PADI6: variants seen among roughly 807,000 people sequenced by gnomAD.
PADI6 encodes inactive protein-arginine deiminase type-6.
Under a neutral mutation model 78.2 loss-of-function variants are expected in PADI6, and 66 were observed. That is an observed-to-expected ratio of 0.84 (90% CI 0.69 to 1.04). The LOEUF is 1.04. PADI6 is among the 50% of genes least tolerant of loss of function. PADI6 has a pLI of 0.00. For missense variants in PADI6, 854 were observed against 866.1 expected (o/e 0.99, Z 0.18); for synonymous variants, 397 against 346.9 (o/e 1.14, Z -1.60).
rs762220531 is a variant in PADI6, at chr1:17,394,392, C to T, written c.1275C>T (p.Val425=). ...GGAACCTGATGGTGTCCCCACCTGTCAAGGTCCAAGGGAAAGAGTACCCGC... is the reference window on the plus strand; with the variant it reads ...GGAACCTGATGGTGTCCCCACCTGTTAAGGTCCAAGGGAAAGAGTACCCGC... ...SIGNLMVSPP[V]KVQGKEYPLG... Residue 425 remains valine, a synonymous_variant, in exon 11 of 16, where the codon GTC becomes GTT. Transcript: ENST00000619609. 8 of 1,613,668 alleles carry T rather than the reference C, an allele frequency of 5.0e-6. No individual in the cohort carries two copies. Among genetic ancestry groups the T allele is most frequent in the Non-Finnish European group, 4.2e-6 (5 of 1,179,848 alleles).
intron 6 of PADI6, among the ~76,000 whole-genome samples, chr1:17,387,681 G>T (rs540557040): frequency 6.6e-6 from 1 of 152,306 alleles, no homozygotes; most frequent in East Asian, 1.9e-4. Context: ...AATCCAGGAG[G>T]CAAAGCTTAC....
chr1:17,394,590 T>C (rs1318130104), intron 11 of PADI6, 136 bp downstream of exon 11: 2 of 967,608 alleles, frequency 2.1e-6, no homozygotes, highest in African/African-American at 3.3e-5. Context: ...TTTGAGCTTT[T>C]GATTCACGTG....
At position 17,379,111 on chromosome 1, in the gene PADI6, A is replaced by ATTTTTTTTTTTTTTTTTTTTTT. The variant is rs144547124; in HGVS notation, c.368-788_368-787insTTTTTTTTTTTTTTTTTTTTTT. Among the ~76,000 whole-genome samples the ATTTTTTTTTTTTTTTTTTTTTT allele has an allele frequency of 2.4e-4, 24 of 100,802 alleles. 3 individuals carry two copies. Among genetic ancestry groups the ATTTTTTTTTTTTTTTTTTTTTT allele is most frequent in the African/African-American group, 1.3e-3 (23 of 17,322 alleles). 66.1% of individuals were successfully genotyped at this position (100,802 alleles called of 152,430 possible). On this transcript the variant is annotated intron_variant, in intron 3 of 15. Transcript: ENST00000619609. The stretch of plus-strand genomic sequence containing the variant: ...AGGTACCCTCCACCATGCCCAGTTA[A>ATTTTTTTTTTTTTTTTTTTTTT]TTTTTTTTTTTTTTTTTTTTTAAGA...
chr1:17,378,964 G>GGGGA (rs1350156160), intron 3 of PADI6, among the ~76,000 whole-genome samples: 1 of 140,436 alleles, frequency 7.1e-6, no homozygotes, highest in Non-Finnish European at 1.6e-5. Context: ...TTGGGGGGGG[G>GGGGA]GACAGAATCT....
chr1:17,380,768 A>G (rs2075065379), intron 4 of PADI6, among the ~76,000 whole-genome samples: 1 of 152,148 alleles, frequency 6.6e-6, no homozygotes, highest in African/African-American at 2.4e-5. Context: ...GCCAGGTGGC[A>G]CGTCTCTTTT....
chr1:17,398,791 A>C lies in PADI6; in HGVS notation c.1795A>C (p.Ile599Leu). ...QLFCLEKLTN[I>L]PSDQQPKRSF... is the part of the protein sequence containing the mutation. ...GTTCTGCTTGGAGAAGCTGACTAACATCCCCTCTGACCAGCAGCCCAAGAG... is the reference window on the plus strand; with the variant it reads ...GTTCTGCTTGGAGAAGCTGACTAACCTCCCCTCTGACCAGCAGCCCAAGAG... The change falls in exon 15 of 16, where the codon ATC (isoleucine) becomes CTC (leucine). Residue 599 changes from isoleucine to leucine, a missense_variant. Physicochemically the swap from Ile to Leu is conservative, Grantham distance 5. Transcript: ENST00000619609. 6.2e-7 allele frequency: 1 copy of C among 1,609,824 alleles called. No individual in the cohort carries two copies. Among genetic ancestry groups the C allele is most frequent in the Non-Finnish European group, 8.5e-7 (1 of 1,178,160 alleles).
intron 15 of PADI6, among the ~76,000 whole-genome samples, chr1:17,399,288 G>A (rs1269722069): frequency 6.6e-6 from 1 of 152,194 alleles, no homozygotes; most frequent in African/African-American, 2.4e-5. Context: ...GATACATAGA[G>A]GTACATCAGC....
chr1:17,398,744 ACAT>A lies in PADI6; in HGVS notation c.1753_1755del (p.Ile585del). ...ACGGAGCTGGGCCTGGTGGAACAGG[ACAT>A]CATCGAGATTCCCCAGCTGTTCTGC... On this transcript the variant is annotated inframe_deletion, in exon 15 of 16. Transcript: ENST00000619609. The A allele has an allele frequency of 5.0e-6, 8 of 1,589,914 alleles. No homozygotes were observed. The highest frequency in any genetic ancestry group is 6.9e-6 in the Non-Finnish European group (8 of 1,167,616).
intron 6 of PADI6, 96 bp from the exon 7 acceptor site, chr1:17,388,285 G>C: frequency 8.5e-7 from 1 of 1,174,682 alleles, no homozygotes; most frequent in Non-Finnish European, 1.2e-6. Flanking sequence ...TCACAGCCTT[G>C]CATCTGATAT....
intron 9 of PADI6, among the ~76,000 whole-genome samples, chr1:17,393,344 A>AG (rs1365544001): frequency 2.0e-5 from 3 of 152,306 alleles, no homozygotes; most frequent in Non-Finnish European, 4.4e-5. Flanking sequence ...CCTCTGGCTA[A>AG]GATGTAGGGA....
intron 7 of PADI6, 21 bp downstream of exon 7, chr1:17,388,580 G>A: frequency 3.1e-6 from 5 of 1,587,508 alleles, no homozygotes; most frequent in Non-Finnish European, 4.3e-6. Context: ...ATAATAGATG[G>A]GTCCTCAGAC....
At chr1:17,392,312 G>GC (rs2075194751) in intron 9 of PADI6, 87 bp downstream of exon 9, 1 of 1,026,576 alleles carries the variant, frequency 9.7e-7, no homozygotes, top group Admixed American at 2.2e-5. Flanking sequence ...CAGGCTTCTG[G>GC]TTAACCTTAA....
rs2526830 is a variant in PADI6, at chr1:17,401,623, A to G, written c.*185A>G. On this transcript the variant is annotated 3_prime_UTR_variant, in exon 16 of 16. Coordinates refer to ENST00000619609, the MANE Select transcript of PADI6 (RefSeq NM_207421.4). Reference sequence around the variant, plus strand: ...GCAAATGCCGCCAGCTTGAACCCCTATGGGGAAAAGATGCAAAAGTGTTCA... The same window carrying G: ...GCAAATGCCGCCAGCTTGAACCCCTGTGGGGAAAAGATGCAAAAGTGTTCA... The G allele has an allele frequency of 0.64, 390,907 of 611,246 alleles. 125,814 individuals are homozygous for G. The highest frequency in any genetic ancestry group is 0.7 in the African/African-American group (38,046 of 54,154). 37.9% of individuals were successfully genotyped at this position (611,246 alleles called of 1,614,324 possible). A position where few individuals can be genotyped will look rare whatever the true frequency, so the allele number is the denominator to read the frequency against.
chr1:17,401,383 G>T lies in PADI6; in HGVS notation c.2030G>T (p.Cys677Phe). 6.2e-7 allele frequency: 1 copy of T among 1,614,058 alleles called. No individual in the cohort carries two copies. Among genetic ancestry groups the T allele is most frequent in the Non-Finnish European group, 8.5e-7 (1 of 1,179,908 alleles). ...ACAGAGGTCGGAGACATCTGTGCCT[G>T]TGCCAACATCCGCCGGGTGCCCTTT... is the stretch of plus-strand genomic sequence containing the variant. ...YLTEVGDICACANIRRVPFAF... is the reference protein window; with the variant it reads ...YLTEVGDICAFANIRRVPFAF... The change falls in exon 16 of 16, where the codon TGT becomes TTT. Residue 677 changes from cysteine to phenylalanine, a missense_variant. Physicochemically the swap from Cys to Phe is radical, Grantham distance 205. Coordinates refer to ENST00000619609, the MANE Select transcript of PADI6 (RefSeq NM_207421.4).
chr1:17,381,147 A>G lies in PADI6; in HGVS notation c.536A>G (p.Lys179Arg). ...GQQLEDKKTK[K>R]VIFSEEITNL... is the part of the protein sequence containing the mutation. Reference sequence around the variant, plus strand: ...CAACTTGAGGACAAGAAAACCAAGAAAGTGATCTTTTCAGAGGGTAGGACC... The same window carrying G: ...CAACTTGAGGACAAGAAAACCAAGAGAGTGATCTTTTCAGAGGGTAGGACC... Residue 179 changes from lysine to arginine, a missense_variant, in exon 5 of 16, where the codon AAA becomes AGA. Physicochemically the swap from Lys to Arg is conservative, Grantham distance 26. Coordinates refer to ENST00000619609, the MANE Select transcript of PADI6 (RefSeq NM_207421.4). 1 of 1,605,320 alleles carries G rather than the reference A, an allele frequency of 6.2e-7. No individual in the cohort carries two copies. Among genetic ancestry groups the G allele is most frequent in the Non-Finnish European group, 8.5e-7 (1 of 1,175,992 alleles).
At chr1:17,390,371 G>A (rs935309832) in intron 8 of PADI6, among the ~76,000 whole-genome samples, 8 of 151,090 alleles carry the variant, frequency 5.3e-5, no homozygotes, top group Non-Finnish European at 7.4e-5. Context: ...AGGCTGAGGC[G>A]GGCGGATCAC....
intron 4 of PADI6, among the ~76,000 whole-genome samples, 156 bp downstream of exon 4, chr1:17,380,143 G>A (rs1389848396): frequency 6.6e-6 from 1 of 152,146 alleles, no homozygotes; most frequent in Non-Finnish European, 1.5e-5. Context: ...AAACTGTCAC[G>A]GTACAAGTCA....
Position 17,392,176 on chromosome 1 carries a change from A to AG in PADI6, c.1027dup (p.Val343GlyfsTer6), listed in dbSNP as rs10709483. ...AAGCTGAGTGAGAAGAGCAACAGCC[A>AG]GGTGGCATCTGTCTATGAGGACCCC... On this transcript the variant is annotated frameshift_variant, in exon 9 of 16. Coordinates refer to ENST00000619609, the MANE Select transcript of PADI6 (RefSeq NM_207421.4). LOFTEE classifies it high-confidence loss of function. The AG allele has an allele frequency of 6.4e-7, 1 of 1,561,630 alleles. No homozygotes were observed. Among genetic ancestry groups the AG allele is most frequent in the Non-Finnish European group, 8.7e-7 (1 of 1,152,692 alleles).
intron 2 of PADI6, 36 bp downstream of exon 2, chr1:17,373,269 G>C: frequency 6.2e-7 from 1 of 1,605,384 alleles, no homozygotes; most frequent in Non-Finnish European, 8.5e-7. Context: ...GGCATCTCCC[G>C]GGGTGGGACC....
Sources: allele counts gnomAD v4.1 joint callset (sites outside exome capture counted in the v4.1 genomes callset), GRCh38; gene constraint gnomAD v4.1.1; transcripts MANE v1.5; gene names NCBI Gene and HGNC (gene_info 2026-07-23, HGNC 2026-07-21).